Variants in TRAK1 observed in about 807,000 individuals in gnomAD.
TRAK1 encodes the protein trafficking kinesin protein 1, also known as trafficking kinesin-binding protein 1.
TRAK1 carries 33 observed loss-of-function variants against 92.1 expected under a neutral mutation model. The observed-to-expected ratio is 0.36, with a 90% CI of 0.27 to 0.48. TRAK1 has a LOEUF of 0.48. Among genes scored for constraint, TRAK1 ranks in the 20% least tolerant of loss-of-function variants. TRAK1 has a pLI of 0.99. For synonymous variants in TRAK1, 521 were observed against 517.3 expected (o/e 1.01, Z -0.10); for missense variants, 1,123 against 1,257.9 (o/e 0.89, Z 1.62).
Position 42,219,073 on chromosome 3 carries a change from C to T in TRAK1, c.1964-421C>T, listed in dbSNP as rs561840420. On this transcript the variant is annotated intron_variant, in intron 14 of 15. Transcript: ENST00000327628. ...TCTCCCTGCCTGTACTTCTCCCCTT[C>T]CTCTGAGCAGAGCTTTGGTAGCTGT... The T allele has an allele frequency of 6.8e-5, 67 of 985,428 alleles. No homozygotes were observed. The South Asian group carries it at 2.5e-3, about 37-fold the overall frequency. The allele number at this position is 985,428 out of a possible 1,614,324, so 61.0% of individuals were successfully genotyped here.
intron 2 of TRAK1, among the ~76,000 whole-genome samples, chr3:42,130,078 G>T (rs1696993096): frequency 1.3e-5 from 2 of 152,106 alleles, no homozygotes; most frequent in Admixed American, 6.5e-5. Flanking sequence ...TTAATTTGAA[G>T]ATGAGGTTTC....
At chr3:42,070,623 C>T (rs1212315346) in intron 1 of TRAK1, among the ~76,000 whole-genome samples, 1 of 152,014 alleles carries the variant, frequency 6.6e-6, no homozygotes, top group Admixed American at 6.6e-5. Context: ...GAGATGAGGC[C>T]TCACTATGTT....
At chr3:42,218,987 C>T (rs1710033847) in intron 14 of TRAK1, 3 of 985,374 alleles carry the variant, frequency 3.0e-6, no homozygotes, top group Non-Finnish European at 3.6e-6. Flanking sequence ...TCCCCAGGCC[C>T]CTTTTTGTGT....
intron 10 of TRAK1, among the ~76,000 whole-genome samples, chr3:42,195,386 ACTC>A (rs1356303637): frequency 6.6e-6 from 1 of 152,092 alleles, no homozygotes; most frequent in Non-Finnish European, 1.5e-5. Context: ...AAACTCAAGA[ACTC>A]CTGTGTATTC....
chr3:42,194,785 G>A lies in TRAK1; in HGVS notation c.976-19G>A, dbSNP rs1706350814. On this transcript the variant is annotated intron_variant, in intron 9 of 15. Transcript: ENST00000327628. ...GGTGCTCAGGAGATCCTGACCCTCTGTGTCTTTCCTGCCTGCAGCTGCGTG... is the reference window on the plus strand; with the variant it reads ...GGTGCTCAGGAGATCCTGACCCTCTATGTCTTTCCTGCCTGCAGCTGCGTG... The A allele has an allele frequency of 1.9e-6, 3 of 1,612,382 alleles. No individual in the cohort carries two copies. In the African/African-American group the frequency reaches 4.0e-5, roughly 22 times the overall value.
chr3:42,160,536 G>T, intron 2 of TRAK1: 82 of 1,368,204 alleles, frequency 6.0e-5, no homozygotes, highest in Middle Eastern at 2.0e-4. Context: ...AGGCTTGAAT[G>T]TTTTGCTGAT....
intron 15 of TRAK1, among the ~76,000 whole-genome samples, chr3:42,219,896 A>G (rs1710174191): frequency 6.9e-6 from 1 of 145,864 alleles, no homozygotes; most frequent in South Asian, 2.1e-4. Context: ...CCTGGGTTCA[A>G]GCCCATCTTT....
chr3:42,036,845 G>C (rs754848853), intron 1 of TRAK1, among the ~76,000 whole-genome samples: 1 of 152,196 alleles, frequency 6.6e-6, no homozygotes, highest in Non-Finnish European at 1.5e-5. Flanking sequence ...GAACTTTGGG[G>C]CTCAAGCAGT....
At chr3:42,168,067 A>C (rs1184374615) in intron 2 of TRAK1, among the ~76,000 whole-genome samples, 2 of 152,216 alleles carry the variant, frequency 1.3e-5, no homozygotes, top group Non-Finnish European at 2.9e-5. Context: ...TGCCTAGGAA[A>C]AGAGTTCAAA....
intron 1 of TRAK1, among the ~76,000 whole-genome samples, chr3:42,014,954 A>G (rs1028872927): frequency 6.6e-6 from 1 of 152,184 alleles, no homozygotes; most frequent in East Asian, 1.9e-4. Flanking sequence ...GGAGGTTACC[A>G]TAGGGAAACG....
At position 42,202,900 on chromosome 3, in the gene TRAK1, G is replaced by A. The variant is rs765413131; in HGVS notation, c.1744+148G>A. 88 of 1,448,910 alleles carry A rather than the reference G, an allele frequency of 6.1e-5. No homozygotes were observed. Among genetic ancestry groups the A allele is most frequent in the Non-Finnish European group, 7.6e-5 (83 of 1,099,296 alleles). 89.8% of individuals were successfully genotyped at this position (1,448,910 alleles called of 1,614,324 possible). A position where few individuals can be genotyped will look rare whatever the true frequency, so the allele number is the denominator to read the frequency against. The stretch of plus-strand genomic sequence containing the variant: ...CCGCGCTGCTGGTTTGAGTTCCTCT[G>A]AGGGTGGTGCTCAGCCTAGGCCTCC... On this transcript the variant is annotated intron_variant, in intron 13 of 15. Coordinates refer to ENST00000327628, the MANE Select transcript of TRAK1 (RefSeq NM_001042646.3). The surrounding 1 kb of genome is among the most constrained non-coding windows in gnomAD (Gnocchi z 6.1).
chr3:42,106,643 AT>A (rs1707611194), intron 1 of TRAK1, among the ~76,000 whole-genome samples: 1 of 152,206 alleles, frequency 6.6e-6, no homozygotes, highest in African/African-American at 2.4e-5. Context: ...ATTTATTTGT[AT>A]TCTGCTTTGT....
intron 1 of TRAK1, among the ~76,000 whole-genome samples, chr3:42,030,370 A>ATATATAT (rs1553701545): frequency 5.2e-4 from 38 of 72,880 alleles, no homozygotes; most frequent in East Asian, 1.9e-3. Context: ...TCTAAAAAAA[A>ATATATAT]AAATATATAT....
chr3:42,185,001 G>C, intron 4 of TRAK1, 200 bp downstream of exon 4: 2 of 553,766 alleles, frequency 3.6e-6, no homozygotes. Context: ...TCCTGCTGCT[G>C]CTTGTGTCTC....
At chr3:42,208,651 G>A (rs1407795909) in intron 13 of TRAK1, among the ~76,000 whole-genome samples, 1 of 152,212 alleles carries the variant, frequency 6.6e-6, no homozygotes, top group Non-Finnish European at 1.5e-5. Flanking sequence ...ATCCATTTGT[G>A]CAGGAAGCCT....
intron 2 of TRAK1, among the ~76,000 whole-genome samples, chr3:42,142,137 A>G (rs1358530275): frequency 6.6e-6 from 1 of 152,146 alleles, no homozygotes; most frequent in African/African-American, 2.4e-5. Flanking sequence ...GTCTTAAAAA[A>G]CAAAACAAAA....
At chr3:42,196,539 C>CT (rs35807078) in intron 10 of TRAK1, among the ~76,000 whole-genome samples, 36,417 of 135,380 alleles carry the variant, frequency 0.27, 5,758 homozygotes, top group East Asian at 0.5. Flanking sequence ...TTCTCTTCTT[C>CT]TTTTTTTTTT....
intron 1 of TRAK1, among the ~76,000 whole-genome samples, chr3:42,055,870 T>A (rs1181982259): frequency 2.0e-5 from 3 of 152,186 alleles, no homozygotes; most frequent in African/African-American, 7.2e-5. Flanking sequence ...CAACTACTAA[T>A]CTACTTTATG....
chr3:42,095,272 C>A (rs1247299537), intron 1 of TRAK1, among the ~76,000 whole-genome samples: 1 of 152,214 alleles, frequency 6.6e-6, no homozygotes, highest in African/African-American at 2.4e-5. Context: ...TTACCACCTT[C>A]ACGTTTGAGG....
Sources: allele counts gnomAD v4.1 joint callset (sites outside exome capture counted in the v4.1 genomes callset), GRCh38; gene constraint gnomAD v4.1.1; non-coding constraint Gnocchi (gnomAD v3.1); transcripts MANE v1.5; gene names NCBI Gene and HGNC (gene_info 2026-07-23, HGNC 2026-07-21).